Variants in TBX18 observed in about 807,000 individuals in gnomAD.
TBX18 encodes T-box transcription factor TBX18.
Under a neutral mutation model 55.0 loss-of-function variants are expected in TBX18, and 21 were observed. The observed-to-expected ratio is 0.38, with a 90% CI of 0.27 to 0.55. The LOEUF (loss-of-function observed/expected upper bound fraction) is 0.55. TBX18 is among the 20% of genes least tolerant of loss of function. The pLI, the probability that TBX18 is intolerant of heterozygous loss-of-function variation, is 0.73. For synonymous variants in TBX18, 342 were observed against 326.1 expected (o/e 1.05, Z -0.53); for missense variants, 840 against 799.6 (o/e 1.05, Z -0.61).
intron 5 of TBX18, among the ~76,000 whole-genome samples, chr6:84,745,767 G>C (rs919129947): frequency 1.3e-5 from 2 of 152,058 alleles, no homozygotes; most frequent in African/African-American, 4.8e-5. Flanking sequence ...ATGGTGCCTT[G>C]TTAAAACAGA....
intron 6 of TBX18, among the ~76,000 whole-genome samples, chr6:84,743,574 C>CA (rs1348198736): frequency 6.6e-6 from 1 of 152,162 alleles, no homozygotes; most frequent in Non-Finnish European, 1.5e-5. Flanking sequence ...TACTTACTAA[C>CA]AGTTACTTTA....
At chr6:84,759,152 C>T (rs1447855869) in intron 3 of TBX18, among the ~76,000 whole-genome samples, 1 of 152,100 alleles carries the variant, frequency 6.6e-6, no homozygotes, top group Non-Finnish European at 1.5e-5. Flanking sequence ...TGTGGTAGAT[C>T]ATTTTAGCAA....
chr6:84,763,029 C>T (rs1477048351), intron 1 of TBX18: 1 of 545,072 alleles, frequency 1.8e-6, no homozygotes, highest in African/African-American at 1.9e-5. Flanking sequence ...GCTGGGCCTC[C>T]GCAGGGCCAA....
intron 4 of TBX18, among the ~76,000 whole-genome samples, chr6:84,753,923 T>C (rs1010380174): frequency 9.9e-5 from 15 of 152,048 alleles, no homozygotes; most frequent in Admixed American, 6.6e-5. Flanking sequence ...AGATCATGGC[T>C]TTTATCTTAT....
chr6:84,747,870 C>T, intron 5 of TBX18, 50 bp downstream of exon 5: 3 of 1,554,142 alleles, frequency 1.9e-6, no homozygotes, highest in Non-Finnish European at 2.6e-6. Context: ...AACTTTCTCT[C>T]TTCACCTGAA....
chr6:84,736,724 T>G lies in TBX18; in HGVS notation c.1785A>C (p.Leu595Phe). Residue 595 changes from leucine to phenylalanine, a missense_variant, in exon 8 of 8, where the codon TTA becomes TTC. Coordinates refer to ENST00000369663, the MANE Select transcript of TBX18 (RefSeq NM_001080508.3). ...CAGATACTTGAGATGATGACAGAGT[T>G]AAGCTTCCTAGGGTCCTAGAGTCAA... Reference protein sequence around the residue: ...SFFDSRTLGSLTLSSSQVSAH... With the variant: ...SFFDSRTLGSFTLSSSQVSAH... The G allele has an allele frequency of 6.3e-7, 1 of 1,594,852 alleles. No homozygotes were observed. Among genetic ancestry groups the G allele is most frequent in the Non-Finnish European group, 8.5e-7 (1 of 1,173,194 alleles).
Position 84,762,588 on chromosome 6 carries a change from G to A in TBX18, c.453C>T (p.Arg151=). The change falls in exon 2 of 8, where the codon CGC becomes CGT. Residue 151 remains arginine (R), a synonymous_variant. Transcript: ENST00000369663. Reference sequence around the variant, plus strand: ...TCATCTCAGTGCCTATCTCATGAAAGCGCTTCCAGAGCTCGGCTCCCTGCA... The same window carrying A: ...TCATCTCAGTGCCTATCTCATGAAAACGCTTCCAGAGCTCGGCTCCCTGCA... ...VDLQGAELWK[R]FHEIGTEMII... The A allele has an allele frequency of 6.2e-7, 1 of 1,613,964 alleles. No individual in the cohort carries two copies. The highest frequency in any genetic ancestry group is 1.7e-5 in the Admixed American group (1 of 60,028).
intron 5 of TBX18, among the ~76,000 whole-genome samples, chr6:84,745,477 C>T (rs1767157652): frequency 1.3e-5 from 2 of 152,100 alleles, no homozygotes; most frequent in Admixed American, 1.3e-4. Context: ...TGCAGTCCCC[C>T]TACATTGCTT....
At chr6:84,750,101 T>C (rs1767304144) in intron 4 of TBX18, among the ~76,000 whole-genome samples, 1 of 151,976 alleles carries the variant, frequency 6.6e-6, no homozygotes, top group Non-Finnish European at 1.5e-5. Context: ...CTGGCCAACA[T>C]GGTGAAACTC....
chr6:84,745,157 T>G (rs1404096939), intron 5 of TBX18, among the ~76,000 whole-genome samples: 1 of 152,184 alleles, frequency 6.6e-6, no homozygotes, highest in Non-Finnish European at 1.5e-5. Flanking sequence ...TCTAATTTGT[T>G]GACTCATAAC....
chr6:84,749,591 G>C (rs1767287273), intron 4 of TBX18, among the ~76,000 whole-genome samples: 1 of 151,660 alleles, frequency 6.6e-6, no homozygotes, highest in South Asian at 2.1e-4. Context: ...AAGCATGAGT[G>C]TGAGGAAAGG....
At chr6:84,763,517 C>G (rs1425506322) in intron 1 of TBX18, 1 of 499,344 alleles carries the variant, frequency 2.0e-6, no homozygotes. Context: ...TGGGGTATGC[C>G]GTCGCTCCCC....
At chr6:84,746,513 A>C (rs1430573328) in intron 5 of TBX18, among the ~76,000 whole-genome samples, 1 of 146,528 alleles carries the variant, frequency 6.8e-6, no homozygotes, top group Non-Finnish European at 1.5e-5. Context: ...GATATTTATA[A>C]TTTTAATATA....
chr6:84,752,058 C>G (rs1408909339), intron 4 of TBX18, among the ~76,000 whole-genome samples: 1 of 152,268 alleles, frequency 6.6e-6, no homozygotes, highest in East Asian at 1.9e-4. Flanking sequence ...GCTCTCTGAT[C>G]TGTTTAGAAT....
At chr6:84,758,221 CAT>C (rs1767547625) in intron 3 of TBX18, among the ~76,000 whole-genome samples, 2 of 151,888 alleles carry the variant, frequency 1.3e-5, no homozygotes, top group Non-Finnish European at 2.9e-5. Context: ...GGCTGGTCAA[CAT>C]AGTGAAACCC....
intron 6 of TBX18, among the ~76,000 whole-genome samples, chr6:84,739,184 C>A (rs1487974759): frequency 6.6e-6 from 1 of 151,898 alleles, no homozygotes; most frequent in Non-Finnish European, 1.5e-5. Flanking sequence ...CATGAAGAAA[C>A]AGCACTGGCC....
chr6:84,754,447 T>C (rs935609700), intron 4 of TBX18, among the ~76,000 whole-genome samples: 1 of 152,246 alleles, frequency 6.6e-6, no homozygotes, highest in African/African-American at 2.4e-5. Flanking sequence ...TTAATGTACC[T>C]GTATTTATTC....
At chr6:84,744,187 C>T (rs1767120855) in intron 6 of TBX18, 74 bp downstream of exon 6, 2 of 1,315,996 alleles carry the variant, frequency 1.5e-6, no homozygotes, top group Non-Finnish European at 2.1e-6. Flanking sequence ...TAGCCATTTA[C>T]TTTGTAATAG....
intron 5 of TBX18, among the ~76,000 whole-genome samples, chr6:84,746,007 G>A (rs527385231): frequency 7.9e-5 from 12 of 152,230 alleles, no homozygotes; most frequent in African/African-American, 2.9e-4. Context: ...ACAATGTTCC[G>A]TTAAGTTCTT....
Sources: gnomAD v4.1 joint callset for allele counts (sites outside exome capture counted in the v4.1 genomes callset) on GRCh38, gnomAD v4.1.1 for gene constraint, MANE v1.5 for transcripts, NCBI Gene and HGNC (gene_info 2026-07-23, HGNC 2026-07-21) for gene names.